The following ADCY8 variants were observed in gnomAD, a reference collection of about 807,000 sequenced individuals.
The protein encoded by ADCY8 is adenylate cyclase type 8.
A neutral mutation model predicts 119.7 loss-of-function variants in ADCY8; 51 were observed. That is an observed-to-expected ratio of 0.43 (90% CI 0.34 to 0.54). The LOEUF is 0.54. Among genes scored for constraint, ADCY8 ranks in the 20% least tolerant of loss-of-function variants. ADCY8 has a pLI of 0.03. For synonymous variants in ADCY8, 665 were observed against 651.0 expected (o/e 1.02, Z -0.33); for missense variants, 1,383 against 1,598.8 (o/e 0.87, Z 2.30).
chr8:131,023,181 T>C (rs1586664196), intron 1 of ADCY8, among the ~76,000 whole-genome samples: 1 of 152,188 alleles, frequency 6.6e-6, no homozygotes, highest in African/African-American at 2.4e-5. Flanking sequence ...GATTCAGATA[T>C]GGTAGGTGTG....
At chr8:130,910,087 G>A (rs1463881493) in intron 5 of ADCY8, among the ~76,000 whole-genome samples, 7 of 151,830 alleles carry the variant, frequency 4.6e-5, no homozygotes, top group East Asian at 1.9e-4. Context: ...CTCCCGCCTC[G>A]GCCTTGCAAA....
intron 9 of ADCY8, among the ~76,000 whole-genome samples, chr8:130,860,862 C>CG (rs1475633061): frequency 6.6e-6 from 1 of 152,118 alleles, no homozygotes; most frequent in Non-Finnish European, 1.5e-5. Flanking sequence ...CATTGTTCAA[C>CG]TCCCACTTAT....
In ADCY8 at chr8:130,847,515, T is replaced by A. The variant is rs1817369734; in HGVS notation, c.2413-2A>T. 1.3e-6 allele frequency: 2 copies of A among 1,566,104 alleles called. No homozygotes were observed. Among genetic ancestry groups the A allele is most frequent in the East Asian group, 2.2e-5 (1 of 44,470 alleles). Reference sequence around the variant, plus strand: ...CGACTTGTCAAAATCACACCACAGCTGCGGATTAAAAAAAAAAAAAAAAGA... The same window carrying A: ...CGACTTGTCAAAATCACACCACAGCAGCGGATTAAAAAAAAAAAAAAAAGA... On this transcript the variant is annotated splice_acceptor_variant, in intron 10 of 17. Coordinates refer to ENST00000286355, the MANE Select transcript of ADCY8 (RefSeq NM_001115.3). LOFTEE classifies it high-confidence loss of function.
intron 9 of ADCY8, 85 bp downstream of exon 9, chr8:130,867,761 A>G (rs1456693000): frequency 1.1e-5 from 10 of 930,668 alleles, no homozygotes; most frequent in Non-Finnish European, 1.5e-5. Context: ...TTAAATTCTG[A>G]TTCTTTGAAA....
chr8:130,930,595 T>C (rs1368576440), intron 5 of ADCY8, among the ~76,000 whole-genome samples: 2 of 152,148 alleles, frequency 1.3e-5, no homozygotes, highest in African/African-American at 4.8e-5. Context: ...TTTTGCTTTG[T>C]GGTTACCATG....
intron 7 of ADCY8, among the ~76,000 whole-genome samples, chr8:130,886,676 G>A (rs764709987): frequency 1.4e-4 from 21 of 152,168 alleles, no homozygotes; most frequent in Non-Finnish European, 2.4e-4. Flanking sequence ...GCCCTCGTAA[G>A]TGCTTGGAGC....
intron 17 of ADCY8, 139 bp downstream of exon 17, chr8:130,783,552 C>A: frequency 1.7e-6 from 1 of 592,354 alleles, no homozygotes. Flanking sequence ...TGACCTTGTC[C>A]CTATCCTTGG....
intron 12 of ADCY8, among the ~76,000 whole-genome samples, chr8:130,828,134 G>A (rs1172646023): frequency 6.6e-6 from 1 of 152,150 alleles, no homozygotes; most frequent in Non-Finnish European, 1.5e-5. Flanking sequence ...ATGGGGTGTT[G>A]GCAACAGGAT....
intron 9 of ADCY8, among the ~76,000 whole-genome samples, chr8:130,862,541 T>C (rs1817971344): frequency 6.6e-6 from 1 of 152,246 alleles, no homozygotes; most frequent in South Asian, 2.1e-4. Context: ...GCCTCCCAAG[T>C]AGTTGGGACT....
At chr8:130,782,512 C>G (rs542560665) in intron 17 of ADCY8, among the ~76,000 whole-genome samples, 18 of 152,298 alleles carry the variant, frequency 1.2e-4, no homozygotes, top group African/African-American at 4.3e-4. Context: ...CCTCTGAGAT[C>G]AGTGAAACTA....
rs534222312 is a variant in ADCY8 at position 130,906,183 on chromosome 8, A to G, written c.1641-2141T>C. Among the ~76,000 whole-genome samples, 20 of 152,346 alleles carry G rather than the reference A, an allele frequency of 1.3e-4. No homozygotes were observed. In the South Asian group the frequency reaches 4.1e-3, roughly 32 times the overall value. ...CCCAAGATGCATTTTGTTAATACAT[A>G]TGAACTCAATAATATTGACCTGGGA... On this transcript the variant is annotated intron_variant, in intron 6 of 17. Coordinates refer to ENST00000286355, the MANE Select transcript of ADCY8 (RefSeq NM_001115.3).
In ADCY8 at chr8:130,884,767, G is replaced by A. The variant is rs200937674; in HGVS notation, c.1912-6C>T. 7 of 1,613,676 alleles carry A rather than the reference G, an allele frequency of 4.3e-6. No homozygotes were observed. The highest frequency in any genetic ancestry group is 5.9e-6 in the Non-Finnish European group (7 of 1,179,686). On this transcript the variant is annotated splice_polypyrimidine_tract_variant and splice_region_variant and intron_variant, in intron 7 of 17. Transcript: ENST00000286355. ...CTTGTTAGGGCAGCCAGAGTCTAGG[G>A]GGAAAGCACATGCAAACACAATAAA...
At chr8:130,791,851 C>T (rs1377824203) in intron 15 of ADCY8, among the ~76,000 whole-genome samples, 1 of 152,206 alleles carries the variant, frequency 6.6e-6, no homozygotes, top group Non-Finnish European at 1.5e-5. Flanking sequence ...GTCCCTGACT[C>T]CATCCATCTC....
intron 8 of ADCY8, among the ~76,000 whole-genome samples, chr8:130,878,281 C>A (rs1818641215): frequency 6.6e-6 from 1 of 152,084 alleles, no homozygotes; most frequent in Non-Finnish European, 1.5e-5. Context: ...ATTTGAGTGA[C>A]AGAAAGATAT....
intron 2 of ADCY8, 63 bp downstream of exon 2, chr8:130,990,330 G>A (rs1329803): frequency 0.53 from 830,880 of 1,570,968 alleles, 226,920 homozygotes; most frequent in East Asian, 0.83. Flanking sequence ...TAAAACAGTA[G>A]CTCCATATAA....
chr8:131,004,679 G>T (rs552754074), intron 1 of ADCY8, among the ~76,000 whole-genome samples: 7 of 152,324 alleles, frequency 4.6e-5, no homozygotes, highest in African/African-American at 1.7e-4. Context: ...AGGTCAAGCA[G>T]TGTGCTAGGG....
chr8:130,873,604 G>T (rs949677997), intron 8 of ADCY8, among the ~76,000 whole-genome samples: 4 of 152,146 alleles, frequency 2.6e-5, no homozygotes, highest in Non-Finnish European at 5.9e-5. Flanking sequence ...ACAGGCATGA[G>T]CCACTACGCC....
intron 9 of ADCY8, among the ~76,000 whole-genome samples, chr8:130,855,377 T>C (rs1024487853): frequency 7.2e-5 from 11 of 152,164 alleles, no homozygotes; most frequent in African/African-American, 2.4e-4. Flanking sequence ...ATATGGATTG[T>C]CTGGTCAGAG....
chr8:130,862,920 C>G (rs1023660902), intron 9 of ADCY8, among the ~76,000 whole-genome samples: 1 of 152,042 alleles, frequency 6.6e-6, no homozygotes, highest in African/African-American at 2.4e-5. Context: ...TGGGGTCTAC[C>G]TTGGTTACTG....
Sources: gnomAD v4.1 joint callset for allele counts (sites outside exome capture counted in the v4.1 genomes callset) on GRCh38, gnomAD v4.1.1 for gene constraint, MANE v1.5 for transcripts, NCBI Gene and HGNC (gene_info 2026-07-23, HGNC 2026-07-21) for gene names.